CSMD1: variants seen among roughly 807,000 people sequenced by gnomAD.
The protein encoded by CSMD1 is CUB and Sushi multiple domains 1.
Under a neutral mutation model 417.5 loss-of-function variants are expected in CSMD1, and 213 were observed. The observed-to-expected ratio is 0.51, with a 90% CI of 0.46 to 0.57. The LOEUF (loss-of-function observed/expected upper bound fraction) is 0.57. Among genes scored for constraint, CSMD1 ranks in the 20% least tolerant of loss-of-function variants. The pLI, the probability that CSMD1 is intolerant of heterozygous loss-of-function variation, is 0.00. For missense variants in CSMD1, 6,923 were observed against 4,529.7 expected (o/e 1.53, Z -15.17); for synonymous variants, 2,862 against 1,736.8 (o/e 1.65, Z -16.11).
At chr8:3,240,213 T>G (rs1019109287) in intron 26 of CSMD1, among the ~76,000 whole-genome samples, 1 of 151,848 alleles carries the variant, frequency 6.6e-6, no homozygotes, top group Non-Finnish European at 1.5e-5. Flanking sequence ...ACTTCAGCTG[T>G]GGGTAATGAA....
At chr8:4,300,894 A>G (rs1050040119) in intron 3 of CSMD1, among the ~76,000 whole-genome samples, 7 of 152,172 alleles carry the variant, frequency 4.6e-5, no homozygotes, top group African/African-American at 1.7e-4. Context: ...ATAGTATTCC[A>G]TGGTGTATAT....
chr8:4,242,919 C>G (rs1802487653), intron 3 of CSMD1, among the ~76,000 whole-genome samples: 1 of 151,902 alleles, frequency 6.6e-6, no homozygotes, highest in Admixed American at 6.6e-5. Flanking sequence ...CTTTTTCTGA[C>G]CCAGAAAAAA....
chr8:4,493,597 AG>A (rs1376694827), intron 2 of CSMD1, among the ~76,000 whole-genome samples: 1 of 152,132 alleles, frequency 6.6e-6, no homozygotes, highest in African/African-American at 2.4e-5. Context: ...CTACTAGCTG[AG>A]GTGGGGAGAT....
chr8:4,245,677 C>T (rs576999093), intron 3 of CSMD1, among the ~76,000 whole-genome samples: 3 of 152,014 alleles, frequency 2.0e-5, no homozygotes, highest in Non-Finnish European at 4.4e-5. Flanking sequence ...ATATGAATGA[C>T]AATTTAAATT....
chr8:4,179,461 A>C (rs1798234147), intron 3 of CSMD1, among the ~76,000 whole-genome samples: 1 of 151,752 alleles, frequency 6.6e-6, no homozygotes. Flanking sequence ...GTTAGACCTA[A>C]AACCATAAAA....
Position 3,454,911 on chromosome 8 carries a change from C to G in CSMD1, c.1561+13801G>C, listed in dbSNP as rs146219661. Reference sequence around the variant, plus strand: ...GGATAACATCCTGCAGAGTGTTTTCCAACTTGGTTCCATTCTCCCCGTCAC... The same window carrying G: ...GGATAACATCCTGCAGAGTGTTTTCGAACTTGGTTCCATTCTCCCCGTCAC... On this transcript the variant is annotated intron_variant, in intron 12 of 69. Coordinates refer to ENST00000635120, the MANE Select transcript of CSMD1 (RefSeq NM_033225.6). 6.6e-3 allele frequency among the ~76,000 whole-genome samples: 998 copies of G among 152,268 alleles called. 11 individuals carry two copies. The highest frequency in any genetic ancestry group is 0.023 in the African/African-American group (946 of 41,560).
chr8:3,093,897 T>G (rs1318534374), intron 47 of CSMD1, among the ~76,000 whole-genome samples: 3 of 152,186 alleles, frequency 2.0e-5, no homozygotes, highest in Admixed American at 2.0e-4. Context: ...GGAGATGCCC[T>G]GCAAAAGAGT....
At chr8:3,492,171 C>T (rs1818419362) in intron 11 of CSMD1, among the ~76,000 whole-genome samples, 1 of 152,092 alleles carries the variant, frequency 6.6e-6, no homozygotes, top group Non-Finnish European at 1.5e-5. Context: ...GCGTGGGTTT[C>T]AGGAGAAGCC....
At chr8:4,219,752 T>G (rs983071498) in intron 3 of CSMD1, among the ~76,000 whole-genome samples, 1 of 152,168 alleles carries the variant, frequency 6.6e-6, no homozygotes. Context: ...ATGACTTCTT[T>G]TCCTGAAAAT....
chr8:3,723,705 T>G (rs1387821532), intron 6 of CSMD1, among the ~76,000 whole-genome samples: 1 of 152,212 alleles, frequency 6.6e-6, no homozygotes, highest in African/African-American at 2.4e-5. Flanking sequence ...TATTAACACG[T>G]GTGCTTTTTT....
intron 51 of CSMD1, among the ~76,000 whole-genome samples, chr8:3,027,961 G>A (rs1810063276): frequency 6.6e-6 from 1 of 152,154 alleles, no homozygotes; most frequent in Non-Finnish European, 1.5e-5. Context: ...AAATTCTTCG[G>A]GAACGCTGAG....
chr8:3,319,734 G>A (rs1325542589), intron 23 of CSMD1, among the ~76,000 whole-genome samples: 1 of 151,996 alleles, frequency 6.6e-6, no homozygotes, highest in Admixed American at 6.6e-5. Context: ...GGTAAGAAAA[G>A]TGTCAGAAGA....
chr8:4,481,177 GA>G (rs1563219497), intron 2 of CSMD1, among the ~76,000 whole-genome samples: 1 of 152,198 alleles, frequency 6.6e-6, no homozygotes, highest in Non-Finnish European at 1.5e-5. Flanking sequence ...ATCAGTTCCA[GA>G]TTATAGTCAA....
intron 5 of CSMD1, among the ~76,000 whole-genome samples, chr8:3,950,281 A>T (rs1239225246): frequency 6.6e-6 from 1 of 152,192 alleles, no homozygotes; most frequent in East Asian, 1.9e-4. Context: ...ACAAATTATC[A>T]AAATAAAAGA....
chr8:3,467,351 T>G (rs1465477438), intron 12 of CSMD1, among the ~76,000 whole-genome samples: 1 of 152,202 alleles, frequency 6.6e-6, no homozygotes, highest in Non-Finnish European at 1.5e-5. Context: ...GATTTCAGAT[T>G]CTACCAAAGG....
In CSMD1 at chr8:3,000,134, A is replaced by G. The variant is rs899114159; in HGVS notation, c.8030-3T>C. ...GTCTGGGGAACCGCAGTGGCCAGCT[A>G]AAAATGTTAAACCAATTTTAAAATT... On this transcript the variant is annotated splice_region_variant and splice_polypyrimidine_tract_variant and intron_variant, in intron 52 of 69. Coordinates refer to ENST00000635120, the MANE Select transcript of CSMD1 (RefSeq NM_033225.6). 9 of 1,533,142 alleles carry G rather than the reference A, an allele frequency of 5.9e-6. No individual in the cohort carries two copies. Among genetic ancestry groups the G allele is most frequent in the Admixed American group, 1.9e-5 (1 of 52,860 alleles). 95.0% of individuals were successfully genotyped at this position (1,533,142 alleles called of 1,614,324 possible).
intron 5 of CSMD1, among the ~76,000 whole-genome samples, chr8:3,953,603 C>T (rs1257905712): frequency 2.0e-5 from 3 of 151,986 alleles, no homozygotes; most frequent in Non-Finnish European, 4.4e-5. Context: ...TCACTGCGCC[C>T]AAGCATACGC....
At chr8:3,359,651 G>T (rs1041496053) in intron 20 of CSMD1, among the ~76,000 whole-genome samples, 2 of 151,986 alleles carry the variant, frequency 1.3e-5, no homozygotes, top group African/African-American at 4.8e-5. Flanking sequence ...CAAGGATACA[G>T]TTAGAAGGAA....
In CSMD1 at chr8:3,709,709, T is replaced by TTC. The variant is rs1554518391; in HGVS notation, c.932-1219_932-1218insGA. Among the ~76,000 whole-genome samples the TTC allele has an allele frequency of 3.0e-4, 39 of 129,584 alleles. 1 individual carries two copies. The highest frequency in any genetic ancestry group is 8.1e-3 in the Middle Eastern group (2 of 246). 85.0% of individuals were successfully genotyped at this position (129,584 alleles called of 152,430 possible). Reference sequence around the variant, plus strand: ...TTTTTTTTTTTTTTTTTTTTTTTTTTCCCTGCTTTCTGCTTTCTGACTGGA... The same window carrying TTC: ...TTTTTTTTTTTTTTTTTTTTTTTTTTTCCCCTGCTTTCTGCTTTCTGACTGGA... On this transcript the variant is annotated intron_variant, in intron 6 of 69. Transcript: ENST00000635120.
Sources: gnomAD v4.1 joint callset for allele counts (sites outside exome capture counted in the v4.1 genomes callset) on GRCh38, gnomAD v4.1.1 for gene constraint, MANE v1.5 for transcripts, NCBI Gene and HGNC (gene_info 2026-07-23, HGNC 2026-07-21) for gene names.